The following ANXA5 variants were observed in gnomAD, a reference collection of about 807,000 sequenced individuals.
ANXA5 encodes the protein annexin A5, also known as CBP-I.
In ANXA5, 40 loss-of-function variants were observed where a neutral mutation model predicts 48.1. The observed-to-expected ratio is 0.83, with a 90% CI of 0.65 to 1.08. The LOEUF is 1.08. Among genes scored for constraint, ANXA5 ranks in the 50% least tolerant of loss-of-function variants. ANXA5 has a pLI of 0.00. For missense variants in ANXA5, 357 were observed against 376.8 expected (o/e 0.95, Z 0.44); for synonymous variants, 113 against 129.1 (o/e 0.88, Z 0.85).
chr4:121,684,615 A>G, intron 4 of ANXA5, 62 bp downstream of exon 4: 1 of 1,381,992 alleles, frequency 7.2e-7, no homozygotes, highest in Non-Finnish European at 1.0e-6. Context: ...AGTATATTCC[A>G]AACTAGTCTT....
Position 121,669,588 on chromosome 4 carries a change from A to C in ANXA5, c.903+14T>G, listed in dbSNP as rs757409095. The C allele has an allele frequency of 4.3e-6, 7 of 1,613,098 alleles. No homozygotes were observed. The highest frequency in any genetic ancestry group is 3.4e-6 in the Non-Finnish European group (4 of 1,179,548). Reference sequence around the variant, plus strand: ...TTGGATTCCCAAACGTAATTTAAAGAAAGGTTCTACTACCTTAATCATGGA... The same window carrying C: ...TTGGATTCCCAAACGTAATTTAAAGCAAGGTTCTACTACCTTAATCATGGA... On this transcript the variant is annotated intron_variant, in intron 12 of 12. Coordinates refer to ENST00000296511, the MANE Select transcript of ANXA5 (RefSeq NM_001154.4).
chr4:121,685,183 C>T (rs533951292), intron 3 of ANXA5, among the ~76,000 whole-genome samples: 24 of 152,040 alleles, frequency 1.6e-4, no homozygotes, highest in Non-Finnish European at 2.4e-4. Flanking sequence ...TATTCTACCC[C>T]CCATTCCCAA....
intron 10 of ANXA5, 106 bp from the exon 11 acceptor site, chr4:121,670,118 AACACAAAAGTACC>A: frequency 1.3e-6 from 1 of 761,224 alleles, no homozygotes. Context: ...CTTCTATAAA[AACACAAAAGTACC>A]AGAGGCTAAA....
rs1724549306 is a variant in ANXA5 at position 121,668,056 on chromosome 4, T to C, written c.*412A>G. On this transcript the variant is annotated 3_prime_UTR_variant, in exon 13 of 13. Coordinates refer to ENST00000296511, the MANE Select transcript of ANXA5 (RefSeq NM_001154.4). Reference sequence around the variant, plus strand: ...CTTTTGAATACAATCATCATAATTTTACAGGTTTAGTTTAGTTGCGAACTT... The same window carrying C: ...CTTTTGAATACAATCATCATAATTTCACAGGTTTAGTTTAGTTGCGAACTT... 6.4e-6 allele frequency: 1 copy of C among 155,672 alleles called. No homozygotes were observed. Among genetic ancestry groups the C allele is most frequent in the Non-Finnish European group, 1.4e-5 (1 of 70,504 alleles). The allele number at this position is 155,672 out of a possible 1,614,324, so 9.6% of individuals were successfully genotyped here.
At chr4:121,684,875 A>T in intron 3 of ANXA5, 104 bp from the exon 4 acceptor site, 1 of 820,078 alleles carries the variant, frequency 1.2e-6, no homozygotes, top group Non-Finnish European at 2.0e-6. Flanking sequence ...GCCTCTCCCT[A>T]TGCGAATATA....
At chr4:121,668,577 A>C in intron 12 of ANXA5, 50 bp from the exon 13 acceptor site, 1 of 1,552,960 alleles carries the variant, frequency 6.4e-7, no homozygotes, top group Middle Eastern at 1.7e-4. Flanking sequence ...GAAGCCATAG[A>C]AAATTTTAAA....
chr4:121,686,640 A>G (rs1294164111), intron 2 of ANXA5, among the ~76,000 whole-genome samples: 1 of 151,962 alleles, frequency 6.6e-6, no homozygotes, highest in Non-Finnish European at 1.5e-5. Context: ...AACCCCACCA[A>G]CACCTCCTGG....
chr4:121,671,565 G>A lies in ANXA5; in HGVS notation c.703C>T (p.Gln235Ter), dbSNP rs1293303574. ...CACCTACCAACAGCAAGGAGTAGTT[G>A]CTCTAAATTGCCAGAAGTCTCGCGG... is the stretch of plus-strand genomic sequence containing the variant. ...IDRETSGNLE[Q>*]LLLAVVKSIR... is the part of the protein sequence containing the mutation. The change falls in exon 10 of 13, where the codon CAA becomes TAA. Residue 235 changes from glutamine (Q) to a stop codon, truncating the protein, a stop_gained. Coordinates refer to ENST00000296511, the MANE Select transcript of ANXA5 (RefSeq NM_001154.4). LOFTEE classifies it high-confidence loss of function. 1 of 1,612,286 alleles carries A rather than the reference G, an allele frequency of 6.2e-7. No homozygotes were observed. The highest frequency in any genetic ancestry group is 8.5e-7 in the Non-Finnish European group (1 of 1,178,448).
chr4:121,686,506 C>T (rs1449530594), intron 2 of ANXA5, 134 bp from the exon 3 acceptor site: 1 of 685,292 alleles, frequency 1.5e-6, no homozygotes, highest in Non-Finnish European at 2.5e-6. Flanking sequence ...GATTTGTGAC[C>T]CCTTTTGAAC....
At chr4:121,677,533 T>C (rs182201813) in intron 8 of ANXA5, among the ~76,000 whole-genome samples, 3 of 152,322 alleles carry the variant, frequency 2.0e-5, no homozygotes, top group Admixed American at 1.3e-4. Context: ...AATACTTTAT[T>C]CTTTCTTCTT....
At chr4:121,676,031 T>C (rs1041882083) in intron 8 of ANXA5, among the ~76,000 whole-genome samples, 1 of 152,216 alleles carries the variant, frequency 6.6e-6, no homozygotes, top group Admixed American at 6.5e-5. Flanking sequence ...CTGAGAGGAC[T>C]AGAGTTGGTT....
Position 121,668,701 on chromosome 4 carries a change from G to T in ANXA5, c.904-174C>A, listed in dbSNP as rs146310442. Among the ~76,000 whole-genome samples, 807 of 152,124 alleles carry T rather than the reference G, an allele frequency of 5.3e-3. 7 individuals carry two copies. The highest frequency in any genetic ancestry group is 0.031 in the Middle Eastern group (9 of 294). ...GGAGTTTCCTACCAATGTAACCTCA[G>T]ACACTCAGTATTCCCTCTGGTAACA... On this transcript the variant is annotated intron_variant, in intron 12 of 12. Transcript: ENST00000296511.
chr4:121,686,261 G>C (rs1415446281), intron 3 of ANXA5, 27 bp downstream of exon 3: 7 of 1,543,818 alleles, frequency 4.5e-6, no homozygotes, highest in East Asian at 2.2e-5. Context: ...TATCACATTT[G>C]CTTTAGAAAG....
chr4:121,695,449 C>G (rs1157394378), intron 2 of ANXA5, among the ~76,000 whole-genome samples: 1 of 152,112 alleles, frequency 6.6e-6, no homozygotes, highest in African/African-American at 2.4e-5. Flanking sequence ...AGTTAAAACA[C>G]TTGTTTAAAA....
chr4:121,696,129 G>A (rs1725076204), intron 2 of ANXA5, among the ~76,000 whole-genome samples: 1 of 121,834 alleles, frequency 8.2e-6, no homozygotes, highest in Admixed American at 1.1e-4. Flanking sequence ...CTCAATCACA[G>A]TATTAAAATA....
rs114450365 is a variant in ANXA5 at position 121,696,152 on chromosome 4, C to G, written c.9+429G>C. 4.0e-3 allele frequency among the ~76,000 whole-genome samples: 459 copies of G among 114,192 alleles called. 6 individuals are homozygous for G. Among genetic ancestry groups the G allele is most frequent in the Middle Eastern group, 0.022 (2 of 92 alleles). 74.9% of individuals were successfully genotyped at this position (114,192 alleles called of 152,430 possible). A position where few individuals can be genotyped will look rare whatever the true frequency, so the allele number is the denominator to read the frequency against. ...CAGTATTAAAATACAGAAAACTTTG[C>G]GGAAAAAAAATAAAGGAAGTCGGGG... On this transcript the variant is annotated intron_variant, in intron 2 of 12. Coordinates refer to ENST00000296511, the MANE Select transcript of ANXA5 (RefSeq NM_001154.4).
At chr4:121,688,746 A>C (rs765949390) in intron 2 of ANXA5, among the ~76,000 whole-genome samples, 45 of 152,302 alleles carry the variant, frequency 3.0e-4, no homozygotes, top group Middle Eastern at 3.4e-3. Flanking sequence ...AATATAATTC[A>C]AGAGAAAAAG....
chr4:121,678,229 A>G, intron 7 of ANXA5, 186 bp downstream of exon 7: 1 of 617,858 alleles, frequency 1.6e-6, no homozygotes, highest in Non-Finnish European at 2.8e-6. Flanking sequence ...GTTAGCTGTT[A>G]AGAATTTAGA....
chr4:121,669,799 G>A lies in ANXA5; in HGVS notation c.781-75C>T, dbSNP rs529621675. ...CATAGGATCAAATGCTCCCGGGTGC[G>A]GGTGAATCAATAAGGTATAACAATT... On this transcript the variant is annotated intron_variant, in intron 11 of 12. Transcript: ENST00000296511. 40 of 1,538,528 alleles carry A rather than the reference G, an allele frequency of 2.6e-5. 1 individual carries two copies. The highest frequency in any genetic ancestry group is 1.7e-4 in the Middle Eastern group (1 of 5,762).
Sources: allele counts gnomAD v4.1 joint callset (sites outside exome capture counted in the v4.1 genomes callset), GRCh38; gene constraint gnomAD v4.1.1; transcripts MANE v1.5; gene names NCBI Gene and HGNC (gene_info 2026-07-23, HGNC 2026-07-21).